PREPL: variants seen among roughly 807,000 people sequenced by gnomAD.
The protein encoded by PREPL is prolyl endopeptidase-like.
Under a neutral mutation model 70.6 loss-of-function variants are expected in PREPL, and 77 were observed. That is an observed-to-expected ratio of 1.09 (90% CI 0.91 to 1.32). The LOEUF is 1.32. Among genes scored for constraint, PREPL ranks in the 40% most tolerant of loss-of-function variants. The pLI is 0.00. For synonymous variants in PREPL, 315 were observed against 264.8 expected, an observed-to-expected ratio of 1.19 and a Z score of -1.84; for missense variants, 1,002 against 778.2, an observed-to-expected ratio of 1.29 and a Z score of -3.42.
chr2:44,328,260 T>G (rs111427001), intron 9 of PREPL, among the ~76,000 whole-genome samples: 11,094 of 113,862 alleles, frequency 0.097, 531 homozygotes, highest in Non-Finnish European at 0.13. Context: ...CAGAGCAAGA[T>G]TCTATCTCAA....
rs563256649 is a variant in PREPL at position 44,346,398 on chromosome 2, A to C, written c.-48-8T>G. The stretch of plus-strand genomic sequence containing the variant: ...TTTAACAGGCTGAAGATCCTGGAAA[A>C]AGTTTTGTTATGATCAAAATATTTC... On this transcript the variant is annotated splice_polypyrimidine_tract_variant and splice_region_variant and intron_variant, in intron 1 of 13. Transcript: ENST00000409411. 6.2e-7 allele frequency: 1 copy of C among 1,610,184 alleles called. No individual in the cohort carries two copies. The highest frequency in any genetic ancestry group is 1.3e-5 in the African/African-American group (1 of 74,654).
intron 1 of PREPL, among the ~76,000 whole-genome samples, chr2:44,350,941 G>C (rs1271500471): frequency 6.7e-6 from 1 of 149,318 alleles, no homozygotes; most frequent in African/African-American, 2.4e-5. Flanking sequence ...AGTATCTTTA[G>C]CTAGTTCCTT....
Position 44,320,562 on chromosome 2 carries a change from G to C in PREPL, c.*794C>G. On this transcript the variant is annotated 3_prime_UTR_variant, in exon 14 of 14. Coordinates refer to ENST00000409411, the MANE Select transcript of PREPL (RefSeq NM_001171613.2). ...GAAGAATCTCCTTCATCGCCAAACA[G>C]CTTTCAGAGATAGATGCTTTGTTTC... is the stretch of plus-strand genomic sequence containing the variant. The C allele has an allele frequency of 6.2e-7, 1 of 1,614,044 alleles. No homozygotes were observed. Among genetic ancestry groups the C allele is most frequent in the Non-Finnish European group, 8.5e-7 (1 of 1,179,938 alleles).
chr2:44,329,592 A>C (rs1673882700), intron 8 of PREPL, among the ~76,000 whole-genome samples: 1 of 152,188 alleles, frequency 6.6e-6, no homozygotes, highest in South Asian at 2.1e-4. Flanking sequence ...CGGAATTCTC[A>C]ACCATTAAGA....
chr2:44,323,242 A>AC lies in PREPL; in HGVS notation c.1629+19dup, dbSNP rs769026994. 1.3e-6 allele frequency: 2 copies of AC among 1,570,654 alleles called. No homozygotes were observed. The highest frequency in any genetic ancestry group is 2.8e-5 in the African/African-American group (2 of 72,702). On this transcript the variant is annotated intron_variant, in intron 11 of 13. Transcript: ENST00000409411. ...TTCTGTGTAAATTCAGGATAATCTA[A>AC]CACAATTGTCTTTCACTACCTGAGG...
chr2:44,339,093 G>C, intron 6 of PREPL, 54 bp downstream of exon 6: 7 of 1,596,404 alleles, frequency 4.4e-6, no homozygotes, highest in Non-Finnish European at 6.0e-6. Flanking sequence ...GTTGTTGATC[G>C]AAGTGTGACA....
intron 1 of PREPL, among the ~76,000 whole-genome samples, chr2:44,350,140 C>T (rs1049080638): frequency 1.3e-5 from 2 of 151,808 alleles, no homozygotes; most frequent in African/African-American, 2.4e-5. Context: ...TGATATGAGA[C>T]AATTAAAAAA....
rs1164327090 is a variant in PREPL at position 44,322,734 on chromosome 2, C to G, written c.1750G>C (p.Glu584Gln). 1.2e-6 allele frequency: 2 copies of G among 1,612,980 alleles called. No individual in the cohort carries two copies. The highest frequency in any genetic ancestry group is 4.5e-5 in the East Asian group (2 of 44,874). The change falls in exon 12 of 14, where the codon GAA becomes CAA. Residue 584 changes from glutamate (E) to glutamine (Q), a missense_variant. Physicochemically the swap from Glu to Gln is conservative, Grantham distance 29. Coordinates refer to ENST00000409411, the MANE Select transcript of PREPL (RefSeq NM_001171613.2). ...CTGCTTCTAGGGGGTCTCCTACCTT[C>G]ACCTGTGTCCTTAGCATGCTCCGCG... The part of the protein sequence containing the change: ...AIAEHAKDTG[E>Q]GYQTPNIILD...
chr2:44,346,967 G>C lies in PREPL; in HGVS notation c.-48-577C>G, dbSNP rs568596056. Among the ~76,000 whole-genome samples, 127 of 152,102 alleles carry C rather than the reference G, an allele frequency of 8.3e-4. 3 individuals are homozygous for C. The South Asian group carries it at 0.012, about 14-fold the overall frequency. ...ATTTTTTAAATTTAAATGGGTCTGA[G>C]AACCAAGGGATATAATTTTCTTTTC... On this transcript the variant is annotated intron_variant, in intron 1 of 13. Transcript: ENST00000409411.
At position 44,322,653 on chromosome 2, in the gene PREPL, G is replaced by C; in HGVS notation, c.1753+78C>G. 6.6e-6 allele frequency: 10 copies of C among 1,507,432 alleles called. No homozygotes were observed. The South Asian group carries it at 1.0e-4, about 15-fold the overall frequency. The allele number at this position is 1,507,432 out of a possible 1,614,324, so 93.4% of individuals were successfully genotyped here. A position where few individuals can be genotyped will look rare whatever the true frequency, so the allele number is the denominator to read the frequency against. ...TGGGCAGATGATTTGGCTACAGCCT[G>C]AAATATATTCCTCTGAGCAGTGTGC... On this transcript the variant is annotated intron_variant, in intron 12 of 13. Coordinates refer to ENST00000409411, the MANE Select transcript of PREPL (RefSeq NM_001171613.2).
intron 7 of PREPL, among the ~76,000 whole-genome samples, chr2:44,334,991 G>C (rs780645751): frequency 9.9e-5 from 15 of 152,152 alleles, no homozygotes; most frequent in Non-Finnish European, 1.6e-4. Flanking sequence ...CACTGTCTAT[G>C]TATATTAATT....
At chr2:44,348,847 T>G (rs1330138974) in intron 1 of PREPL, among the ~76,000 whole-genome samples, 1 of 152,224 alleles carries the variant, frequency 6.6e-6, no homozygotes, top group African/African-American at 2.4e-5. Context: ...TGGTTTTTGT[T>G]GCGTCCCAGG....
chr2:44,346,723 A>T (rs1572903240), intron 1 of PREPL, among the ~76,000 whole-genome samples: 1 of 152,238 alleles, frequency 6.6e-6, no homozygotes, highest in East Asian at 1.9e-4. Flanking sequence ...TAAGGAGAAA[A>T]TAAAATTCCA....
intron 7 of PREPL, among the ~76,000 whole-genome samples, chr2:44,334,206 T>A (rs952486584): frequency 2.0e-5 from 3 of 152,176 alleles, no homozygotes; most frequent in Admixed American, 6.5e-5. Context: ...TGTATATTAA[T>A]GGACAGCACC....
In PREPL at chr2:44,318,296, T is replaced by C; in HGVS notation, c.*3060A>G. ...TAGTAGAGATGGTGTTTCACCATGT[T>C]GGCCAGGCTGGTCTTGAACTCCTGA... On this transcript the variant is annotated 3_prime_UTR_variant, in exon 14 of 14. Transcript: ENST00000409411. 3.8e-6 allele frequency: 1 copy of C among 262,484 alleles called. No individual in the cohort carries two copies. The highest frequency in any genetic ancestry group is 3.1e-5 in the South Asian group (1 of 32,274). The allele number at this position is 262,484 out of a possible 1,614,324, so 16.3% of individuals were successfully genotyped here.
intron 6 of PREPL, 24 bp downstream of exon 6, chr2:44,339,123 G>C: frequency 6.2e-7 from 1 of 1,611,636 alleles, no homozygotes; most frequent in East Asian, 2.2e-5. Context: ...AGCCCAAATA[G>C]GAACAACGAG....
intron 12 of PREPL, among the ~76,000 whole-genome samples, chr2:44,322,173 G>C (rs1314333259): frequency 6.6e-6 from 1 of 152,148 alleles, no homozygotes; most frequent in East Asian, 1.9e-4. Context: ...AACCTGCCCT[G>C]TGGAATCTGA....
chr2:44,344,899 T>TACCCG (rs987580242), intron 2 of PREPL, among the ~76,000 whole-genome samples: 18 of 152,338 alleles, frequency 1.2e-4, no homozygotes, highest in Non-Finnish European at 1.6e-4. Context: ...AAACATCTGA[T>TACCCG]ACCTGTACAG....
In PREPL at chr2:44,330,590, G is replaced by A. The variant is rs1673990912; in HGVS notation, c.1087-1478C>T. Among the ~76,000 whole-genome samples, 4 of 152,082 alleles carry A rather than the reference G, an allele frequency of 2.6e-5. No individual in the cohort carries two copies. The South Asian group carries it at 8.3e-4, about 31-fold the overall frequency. On this transcript the variant is annotated intron_variant, in intron 8 of 13. Transcript: ENST00000409411. The stretch of plus-strand genomic sequence containing the variant: ...ATTTTTGCATCTGTTCAACAAGCAT[G>A]TATTGCTTTTGTAATATAAAAATAT...
Sources: allele counts gnomAD v4.1 joint callset (sites outside exome capture counted in the v4.1 genomes callset), GRCh38; gene constraint gnomAD v4.1.1; transcripts MANE v1.5; gene names NCBI Gene and HGNC (gene_info 2026-07-23, HGNC 2026-07-21).